Variants in SCUBE1 observed in about 807,000 individuals in gnomAD.
The protein encoded by SCUBE1 is signal peptide, CUB domain and EGF like domain containing 1.
SCUBE1 carries 59 observed loss-of-function variants against 124.4 expected under a neutral mutation model. The observed-to-expected ratio is 0.47, with a 90% CI of 0.38 to 0.59. SCUBE1 has a LOEUF of 0.59. Among genes scored for constraint, SCUBE1 ranks in the 20% least tolerant of loss-of-function variants. SCUBE1 has a pLI of 0.00. For missense variants in SCUBE1, 1,150 were observed against 1,371.2 expected, an observed-to-expected ratio of 0.84 and a Z score of 2.55; for synonymous variants, 545 against 550.9, an observed-to-expected ratio of 0.99 and a Z score of 0.15.
At chr22:43,281,506 T>TCCCTTCTCAGCCACCCTCCTGTCA (rs745515163) in intron 4 of SCUBE1, among the ~76,000 whole-genome samples, 8 of 46,174 alleles carry the variant, frequency 1.7e-4, no homozygotes, top group African/African-American at 1.1e-3. Flanking sequence ...TCCTGTCACC[T>TCCCTTCTCAGCCACCCTCCTGTCA]CCTCCTCAGC....
chr22:43,227,617 C>T (rs765588903), intron 9 of SCUBE1, 121 bp from the exon 10 acceptor site: 20 of 1,304,944 alleles, frequency 1.5e-5, no homozygotes, highest in African/African-American at 2.9e-5. Context: ...GACAGCATCA[C>T]GGGATGCAGA....
intron 2 of SCUBE1, among the ~76,000 whole-genome samples, chr22:43,335,094 C>A (rs1456725266): frequency 6.6e-6 from 1 of 152,144 alleles, no homozygotes; most frequent in Non-Finnish European, 1.5e-5. Context: ...TAGTCCCCAC[C>A]CAGGAAAGAC....
At chr22:43,310,122 C>T (rs953265957) in intron 3 of SCUBE1, among the ~76,000 whole-genome samples, 9 of 152,156 alleles carry the variant, frequency 5.9e-5, no homozygotes, top group Admixed American at 1.3e-4. Flanking sequence ...GACCCAGCCC[C>T]GGCCCGCCTC....
At chr22:43,286,582 A>T (rs974662934) in intron 4 of SCUBE1, among the ~76,000 whole-genome samples, 1 of 152,224 alleles carries the variant, frequency 6.6e-6, no homozygotes, top group Non-Finnish European at 1.5e-5. Flanking sequence ...GGAGGAGACC[A>T]TGTCACGAAC....
chr22:43,284,782 A>G lies in SCUBE1; in HGVS notation c.484+6264T>C, dbSNP rs557645067. Among the ~76,000 whole-genome samples the G allele has an allele frequency of 1.9e-3, 190 of 102,118 alleles. 1 individual carries two copies. Among genetic ancestry groups the G allele is most frequent in the East Asian group, 5.1e-3 (26 of 5,062 alleles). The allele number at this position is 102,118 out of a possible 152,430, so 67.0% of individuals were successfully genotyped here. A position where few individuals can be genotyped will look rare whatever the true frequency, so the allele number is the denominator to read the frequency against. On this transcript the variant is annotated intron_variant, in intron 4 of 21. Transcript: ENST00000360835. The stretch of plus-strand genomic sequence containing the variant: ...CGTCATCGTCGTCGTCGTCGTCGTC[A>G]TCATCATCATCACATTACACACAAA...
Position 43,197,964 on chromosome 22 carries a change from C to T in SCUBE1, c.*6033G>A, listed in dbSNP as rs1252333925. On this transcript the variant is annotated 3_prime_UTR_variant, in exon 22 of 22. Coordinates refer to ENST00000360835, the MANE Select transcript of SCUBE1 (RefSeq NM_173050.5). ...CCTGGCCCAGTTTCCAATCTGTAAGCTTCAGATTGATCAACGTTTTAGAGA... is the reference window on the plus strand; with the variant it reads ...CCTGGCCCAGTTTCCAATCTGTAAGTTTCAGATTGATCAACGTTTTAGAGA... 2.0e-5 allele frequency: 3 copies of T among 152,848 alleles called. No individual in the cohort carries two copies. The highest frequency in any genetic ancestry group is 2.9e-5 in the Non-Finnish European group (2 of 68,538). 9.5% of individuals were successfully genotyped at this position (152,848 alleles called of 1,614,324 possible).
chr22:43,227,387 C>T lies in SCUBE1; in HGVS notation c.1194G>A (p.Gly398=). The T allele has an allele frequency of 6.2e-7, 1 of 1,610,938 alleles. No individual in the cohort carries two copies. The highest frequency in any genetic ancestry group is 8.5e-7 in the Non-Finnish European group (1 of 1,179,604). Residue 398 remains glycine (G), a synonymous_variant, in exon 10 of 22, where the codon GGG becomes GGA. Transcript: ENST00000360835. ...CPPGRRLHWN[G]KDCVETGKCL... ...GCGGCCACCTACCCACGCAATCCTT[C>T]CCGTTCCAGTGGAGCCGCCTCCCCG...
chr22:43,205,103 C>T (rs1219591898), intron 21 of SCUBE1, among the ~76,000 whole-genome samples: 1 of 152,162 alleles, frequency 6.6e-6, no homozygotes, highest in East Asian at 1.9e-4. Flanking sequence ...CCCTGGACCT[C>T]GGGAACATCG....
At chr22:43,223,601 C>A (rs927295512) in intron 10 of SCUBE1, among the ~76,000 whole-genome samples, 4 of 152,216 alleles carry the variant, frequency 2.6e-5, no homozygotes, top group Non-Finnish European at 2.9e-5. Context: ...CTCGGAAGCA[C>A]CTCTTTGGGG....
At chr22:43,247,679 A>T (rs1421783552) in intron 6 of SCUBE1, among the ~76,000 whole-genome samples, 4 of 152,204 alleles carry the variant, frequency 2.6e-5, no homozygotes, top group African/African-American at 9.7e-5. Flanking sequence ...AGAGAGAGGC[A>T]AGGGTGGCTT....
rs973369121 is a variant in SCUBE1 at position 43,211,482 on chromosome 22, T to C, written c.2222-399A>G. Among the ~76,000 whole-genome samples the C allele has an allele frequency of 1.3e-5, 2 of 148,800 alleles. No individual in the cohort carries two copies. Among genetic ancestry groups the C allele is most frequent in the Non-Finnish European group, 3.0e-5 (2 of 67,446 alleles). ...GCAGGAGAGACAGGCGGCCGGAGTCTGAGGGGTGCCGGGGCGGGGGGCTAG... is the reference window on the plus strand; with the variant it reads ...GCAGGAGAGACAGGCGGCCGGAGTCCGAGGGGTGCCGGGGCGGGGGGCTAG... On this transcript the variant is annotated intron_variant, in intron 17 of 21. Transcript: ENST00000360835. This position sits in a 1 kb window ranked among gnomAD's most constrained non-coding sequence, Gnocchi z 4.5.
intron 6 of SCUBE1, among the ~76,000 whole-genome samples, chr22:43,250,640 C>T (rs1218114340): frequency 3.3e-5 from 5 of 152,282 alleles, no homozygotes; most frequent in South Asian, 2.1e-4. Context: ...GCCCCCATGT[C>T]GTCATCTCTA....
intron 3 of SCUBE1, chr22:43,318,492 G>A (rs1601887035): frequency 1.3e-5 from 2 of 152,258 alleles, no homozygotes; most frequent in Admixed American, 6.5e-5. Context: ...CTGGGTGACA[G>A]AGTAAGACTC....
chr22:43,224,425 G>T (rs531268445), intron 10 of SCUBE1, among the ~76,000 whole-genome samples: 46 of 152,292 alleles, frequency 3.0e-4, no homozygotes, highest in African/African-American at 9.4e-4. Context: ...ATTAGATAAA[G>T]GTTTATCCCA....
chr22:43,336,019 T>C (rs776717629), intron 2 of SCUBE1, among the ~76,000 whole-genome samples: 20 of 152,090 alleles, frequency 1.3e-4, no homozygotes, highest in Non-Finnish European at 2.6e-4. Flanking sequence ...ATGCAGATGA[T>C]GATAATGACA....
chr22:43,231,027 G>A (rs902708513), intron 8 of SCUBE1, among the ~76,000 whole-genome samples: 7 of 152,184 alleles, frequency 4.6e-5, no homozygotes, highest in African/African-American at 1.4e-4. Context: ...GCTACATGGG[G>A]TGCCCCACCC....
At position 43,203,883 on chromosome 22, in the gene SCUBE1, G is replaced by T; in HGVS notation, c.*114C>A. 1 of 1,156,590 alleles carries T rather than the reference G, an allele frequency of 8.6e-7. No homozygotes were observed. Among genetic ancestry groups the T allele is most frequent in the Non-Finnish European group, 1.2e-6 (1 of 804,806 alleles). 71.6% of individuals were successfully genotyped at this position (1,156,590 alleles called of 1,614,324 possible). On this transcript the variant is annotated 3_prime_UTR_variant, in exon 22 of 22. Coordinates refer to ENST00000360835, the MANE Select transcript of SCUBE1 (RefSeq NM_173050.5). ...CCATGGGCTGGTCGGCTTCCCTGAAGGGCAGTGCCATGGGGTTCCCAAGGT... is the reference window on the plus strand; with the variant it reads ...CCATGGGCTGGTCGGCTTCCCTGAATGGCAGTGCCATGGGGTTCCCAAGGT...
At position 43,210,180 on chromosome 22, in the gene SCUBE1, G is replaced by A. The variant is rs1921482079; in HGVS notation, c.2444C>T (p.Pro815Leu). 1 of 1,603,076 alleles carries A rather than the reference G, an allele frequency of 6.2e-7. No homozygotes were observed. The highest frequency in any genetic ancestry group is 8.5e-7 in the Non-Finnish European group (1 of 1,174,810). ...YTGYIESPNY[P>L]GDYPANAECV... ...TTCAGCGTTGGCTGGGTAGTCGCCA[G>A]GGTAGTTGGGGGACTCGATGTAGCC... The change falls in exon 19 of 22, where the codon CCT (proline) becomes CTT (leucine). Residue 815 changes from proline (P) to leucine (L), a missense_variant. Physicochemically the swap from Pro to Leu is moderately conservative, Grantham distance 98 (BLOSUM62 -3). This residue lies in a region of SCUBE1 where 757 missense variants were observed against 840.9 expected (regional missense o/e 0.90). Coordinates refer to ENST00000360835, the MANE Select transcript of SCUBE1 (RefSeq NM_173050.5). The surrounding 1 kb of genome is among the most constrained non-coding windows in gnomAD (Gnocchi z 4.5).
intron 2 of SCUBE1, among the ~76,000 whole-genome samples, chr22:43,331,093 G>A (rs1487942318): frequency 1.3e-5 from 2 of 152,042 alleles, no homozygotes; most frequent in Non-Finnish European, 2.9e-5. Context: ...AGGCCAAATT[G>A]GTTTTAAGAT....
Sources: gnomAD v4.1 joint callset for allele counts (sites outside exome capture counted in the v4.1 genomes callset) on GRCh38, gnomAD v4.1.1 for gene constraint, gnomAD v4.1.1 regional missense constraint, Gnocchi (gnomAD v3.1) non-coding constraint, MANE v1.5 for transcripts, NCBI Gene and HGNC (gene_info 2026-07-23, HGNC 2026-07-21) for gene names.